Variants in SPATA13 observed in about 807,000 individuals in gnomAD.
The protein encoded by SPATA13 is spermatogenesis associated 13, also known as spermatogenesis-associated protein 13.
A neutral mutation model predicts 104.0 loss-of-function variants in SPATA13; 50 were observed. That is an observed-to-expected ratio of 0.48 (90% CI 0.38 to 0.61). SPATA13 has a LOEUF of 0.61. SPATA13 is among the 20% of genes least tolerant of loss of function. The pLI is 0.00. For synonymous variants in SPATA13, 606 were observed against 667.5 expected, an observed-to-expected ratio of 0.91 and a Z score of 1.42; for missense variants, 1,524 against 1,690.6, an observed-to-expected ratio of 0.90 and a Z score of 1.73.
intron 2 of SPATA13, among the ~76,000 whole-genome samples, chr13:24,013,649 G>A (rs564261967): frequency 2.7e-5 from 4 of 150,852 alleles, no homozygotes; most frequent in East Asian, 3.9e-4. Context: ...TACACCCATC[G>A]CTTTCATTCC....
intron 2 of SPATA13, among the ~76,000 whole-genome samples, chr13:23,991,943 A>G (rs560325463): frequency 9.2e-5 from 14 of 152,222 alleles, no homozygotes; most frequent in South Asian, 2.1e-4. Context: ...TGGGAAGAGG[A>G]CACGGTGATG....
chr13:24,163,014 AGCCTGGGGCCAGT>A (rs894902798), intron 1 of SPATA13, among the ~76,000 whole-genome samples: 9 of 152,338 alleles, frequency 5.9e-5, no homozygotes, highest in African/African-American at 1.9e-4. Context: ...TCCCTCAGAA[AGCCTGGGGCCAGT>A]GCCTGGGCTG....
intron 3 of SPATA13, among the ~76,000 whole-genome samples, chr13:24,093,418 C>A (rs552493417): frequency 1.8e-4 from 28 of 152,294 alleles, no homozygotes; most frequent in Non-Finnish European, 2.9e-4. Flanking sequence ...GGTTAGTGAT[C>A]TAGGTTTTCC....
At chr13:24,197,152 A>G (rs1870103690) in intron 1 of SPATA13, among the ~76,000 whole-genome samples, 2 of 152,216 alleles carry the variant, frequency 1.3e-5, no homozygotes, top group African/African-American at 4.8e-5. Context: ...TCTTTAGAGG[A>G]AGACATATAT....
intron 2 of SPATA13, among the ~76,000 whole-genome samples, chr13:24,012,142 C>T (rs769887899): frequency 1.3e-5 from 2 of 152,208 alleles, no homozygotes; most frequent in Admixed American, 6.5e-5. Context: ...GGTGTGTAAC[C>T]AGCCTATGAT....
At chr13:24,145,628 T>A (rs546031588) in intron 3 of SPATA13, among the ~76,000 whole-genome samples, 1 of 152,342 alleles carries the variant, frequency 6.6e-6, no homozygotes, top group Admixed American at 6.5e-5. Context: ...GGGGAACTCT[T>A]CCTGCAATTC....
intron 1 of SPATA13, among the ~76,000 whole-genome samples, chr13:24,185,321 A>C (rs1869077392): frequency 6.6e-6 from 1 of 152,160 alleles, no homozygotes; most frequent in South Asian, 2.1e-4. Flanking sequence ...AAGGGATTTT[A>C]TTTCTTAGTG....
rs549104383 is a variant in SPATA13, at chr13:24,161,381, G to C, written c.-112+449G>C. ...ATCGGGTGGCGTGGCTGGTGCCTCC[G>C]GGGACCCGGAGCGATGCGGTTGGAG... On this transcript the variant is annotated intron_variant, in intron 1 of 12. Coordinates refer to ENST00000382108, the MANE Select transcript of SPATA13 (RefSeq NM_001166271.3). This position sits in a 1 kb window ranked among gnomAD's most constrained non-coding sequence, Gnocchi z 4.5. 2.0e-5 allele frequency among the ~76,000 whole-genome samples: 3 copies of C among 152,302 alleles called. No individual in the cohort carries two copies. Among genetic ancestry groups the C allele is most frequent in the East Asian group, 3.9e-4 (2 of 5,176 alleles).
chr13:24,244,184 T>G (rs59801219), intron 2 of SPATA13, among the ~76,000 whole-genome samples: 1,979 of 152,338 alleles, frequency 0.013, 41 homozygotes, highest in African/African-American at 0.046. Context: ...CGTGTTTGTC[T>G]GTGTCCAAAT....
chr13:24,103,043 A>G (rs1880308497), intron 3 of SPATA13, among the ~76,000 whole-genome samples: 2 of 152,154 alleles, frequency 1.3e-5, no homozygotes, highest in Non-Finnish European at 2.9e-5. Context: ...GAGTTAAACA[A>G]TTTTTTACGA....
chr13:24,127,807 T>C (rs1454275610), intron 3 of SPATA13, among the ~76,000 whole-genome samples: 1 of 152,226 alleles, frequency 6.6e-6, no homozygotes, highest in Non-Finnish European at 1.5e-5. Flanking sequence ...GTATCATAAA[T>C]TTAAATTGCA....
intron 3 of SPATA13, among the ~76,000 whole-genome samples, chr13:24,112,643 C>T (rs534330985): frequency 6.6e-6 from 1 of 152,260 alleles, no homozygotes; most frequent in South Asian, 2.1e-4. Flanking sequence ...CAGCTCATTA[C>T]AGCTGTTTGT....
intron 4 of SPATA13, among the ~76,000 whole-genome samples, chr13:24,253,955 A>G (rs950014096): frequency 4.6e-5 from 7 of 152,088 alleles, no homozygotes; most frequent in African/African-American, 7.2e-5. Flanking sequence ...GCTTGTTCTA[A>G]GTGTGGTGTG....
chr13:24,018,845 T>C (rs1487007616), intron 3 of SPATA13, among the ~76,000 whole-genome samples: 1 of 152,244 alleles, frequency 6.6e-6, no homozygotes, highest in Non-Finnish European at 1.5e-5. Flanking sequence ...GGATTATCAG[T>C]CACATATCTT....
At chr13:24,016,791 GC>G (rs1248555011) in intron 2 of SPATA13, among the ~76,000 whole-genome samples, 1 of 152,236 alleles carries the variant, frequency 6.6e-6, no homozygotes, top group East Asian at 1.9e-4. Context: ...TAGGGTGGTG[GC>G]TCTGCACCCC....
At position 24,288,984 on chromosome 13, in the gene SPATA13, T is replaced by C; in HGVS notation, c.2668-15T>C. On this transcript the variant is annotated splice_polypyrimidine_tract_variant and intron_variant, in intron 7 of 12. Coordinates refer to ENST00000382108, the MANE Select transcript of SPATA13 (RefSeq NM_001166271.3). The stretch of plus-strand genomic sequence containing the variant: ...TGGATTTCCAAATAAAAAGTATTAC[T>C]TCTGTATTTTGCAGGGCTATATCCG... 1 of 1,582,942 alleles carries C rather than the reference T, an allele frequency of 6.3e-7. No homozygotes were observed. Among genetic ancestry groups the C allele is most frequent in the Non-Finnish European group, 8.6e-7 (1 of 1,168,198 alleles).
intron 3 of SPATA13, among the ~76,000 whole-genome samples, chr13:24,098,393 T>A (rs2137798813): frequency 6.6e-6 from 1 of 151,424 alleles, no homozygotes; most frequent in East Asian, 2.0e-4. Context: ...ATTAAAAAAA[T>A]AATTAAGACT....
chr13:24,142,919 CTT>C (rs1295281884), intron 3 of SPATA13, among the ~76,000 whole-genome samples: 1 of 152,188 alleles, frequency 6.6e-6, no homozygotes, highest in Non-Finnish European at 1.5e-5. Flanking sequence ...GGGCCTTCTC[CTT>C]TCTTGCAGGG....
At chr13:24,267,943 A>G (rs991122651) in intron 4 of SPATA13, among the ~76,000 whole-genome samples, 1 of 152,228 alleles carries the variant, frequency 6.6e-6, no homozygotes. Context: ...ATGTTGTTAA[A>G]ATGTTGATTC....
Sources: gnomAD v4.1 joint callset for allele counts (sites outside exome capture counted in the v4.1 genomes callset) on GRCh38, gnomAD v4.1.1 for gene constraint, Gnocchi (gnomAD v3.1) non-coding constraint, MANE v1.5 for transcripts, NCBI Gene and HGNC (gene_info 2026-07-23, HGNC 2026-07-21) for gene names.